Variants in TDRD9 observed in about 807,000 individuals in gnomAD.
TDRD9 encodes the protein ATP-dependent RNA helicase TDRD9.
In TDRD9, 124 loss-of-function variants were observed where a neutral mutation model predicts 172.6. That is an observed-to-expected ratio of 0.72 (90% CI 0.62 to 0.83). The LOEUF (loss-of-function observed/expected upper bound fraction) is 0.83. Among genes scored for constraint, TDRD9 ranks in the 40% least tolerant of loss-of-function variants. TDRD9 has a pLI of 0.00. For missense variants in TDRD9, 1,479 were observed against 1,714.1 expected, an observed-to-expected ratio of 0.86 and a Z score of 2.42; for synonymous variants, 619 against 617.1, an observed-to-expected ratio of 1.00 and a Z score of -0.05.
At position 103,994,351 on chromosome 14, in the gene TDRD9, T is replaced by G. The variant is rs1288828461; in HGVS notation, c.1200T>G (p.Tyr400Ter). The stretch of plus-strand genomic sequence containing the variant: ...CCCTAGGTCTGGGTGAAATAAATTA[T>G]ATGCATGAACTTCTCACAAGCCTGG... The part of the protein sequence containing the change: ...VFLPGLGEIN[Y>*]MHELLTSLVH... The change falls in exon 10 of 36, where the codon TAT becomes TAG. Residue 400 changes from tyrosine (Y) to a stop codon, truncating the protein, a stop_gained. Transcript: ENST00000409874. LOFTEE classifies it high-confidence loss of function. 1.9e-6 allele frequency: 3 copies of G among 1,613,708 alleles called. No homozygotes were observed. In the South Asian group the frequency reaches 3.3e-5, roughly 18 times the overall value.
chr14:104,049,525 G>A (rs866584735), intron 34 of TDRD9, 83 bp from the exon 35 acceptor site: 21 of 1,118,896 alleles, frequency 1.9e-5, no homozygotes, highest in Middle Eastern at 2.9e-4. Flanking sequence ...GAAGCATATA[G>A]GATTTAAATC....
chr14:104,014,013 A>G, intron 20 of TDRD9: 1 of 152,268 alleles, frequency 6.6e-6, no homozygotes, highest in Non-Finnish European at 1.5e-5. Flanking sequence ...GCGGATCATG[A>G]GGTCAGGAGA....
At chr14:104,046,167 G>A (rs1193739694) in intron 34 of TDRD9, among the ~76,000 whole-genome samples, 1 of 152,200 alleles carries the variant, frequency 6.6e-6, no homozygotes, top group Non-Finnish European at 1.5e-5. Context: ...ATGTTGGCCA[G>A]AATGATCTCG....
intron 5 of TDRD9, among the ~76,000 whole-genome samples, chr14:103,968,750 T>C (rs1471804362): frequency 4.7e-4 from 42 of 89,626 alleles, no homozygotes; most frequent in East Asian, 1.1e-3. Context: ...GAGCTGAGAT[T>C]GCGCCACTGC....
chr14:104,045,372 C>T (rs905959313), intron 34 of TDRD9, among the ~76,000 whole-genome samples: 1 of 137,384 alleles, frequency 7.3e-6, no homozygotes, highest in African/African-American at 2.7e-5. Flanking sequence ...TTATATTCCT[C>T]TTAGCCAGTC....
At chr14:104,023,768 C>G (rs1350010395) in intron 24 of TDRD9, among the ~76,000 whole-genome samples, 3 of 152,256 alleles carry the variant, frequency 2.0e-5, no homozygotes, top group African/African-American at 7.2e-5. Flanking sequence ...TCTGTTCCAT[C>G]TGGTTTCACC....
intron 2 of TDRD9, among the ~76,000 whole-genome samples, chr14:103,960,934 C>A (rs1041532949): frequency 6.6e-6 from 1 of 152,284 alleles, no homozygotes; most frequent in African/African-American, 2.4e-5. Flanking sequence ...CAGCCTTTTT[C>A]GTCTTTCTAA....
intron 2 of TDRD9, among the ~76,000 whole-genome samples, chr14:103,956,847 G>C (rs771011950): frequency 2.0e-5 from 3 of 151,990 alleles, no homozygotes; most frequent in Non-Finnish European, 4.4e-5. Flanking sequence ...ACTAGCACCA[G>C]GCCCTATTCA....
chr14:104,040,536 G>A (rs956649985), intron 33 of TDRD9, among the ~76,000 whole-genome samples: 2 of 152,158 alleles, frequency 1.3e-5, no homozygotes, highest in Admixed American at 6.5e-5. Context: ...TATCTTTCCT[G>A]TGAAAAGTAA....
At chr14:103,970,987 G>A (rs117840167) in intron 6 of TDRD9, among the ~76,000 whole-genome samples, 3,235 of 151,952 alleles carry the variant, frequency 0.021, 58 homozygotes, top group East Asian at 0.047. Context: ...AGGGCTGACT[G>A]TATTTTTTTT....
At chr14:104,039,474 C>T (rs573080616) in intron 32 of TDRD9, among the ~76,000 whole-genome samples, 21 of 152,198 alleles carry the variant, frequency 1.4e-4, no homozygotes, top group Non-Finnish European at 1.9e-4. Flanking sequence ...ACTACTGAGA[C>T]GCCTTAGGCA....
chr14:103,942,234 T>C (rs1285537245), intron 1 of TDRD9: 1 of 152,616 alleles, frequency 6.6e-6, no homozygotes, highest in African/African-American at 2.4e-5. Context: ...CCACCGAAAC[T>C]GTATTTGAAA....
rs927254321 is a variant in TDRD9, at chr14:103,963,233, A to G, written c.420+57A>G. ...TGTTTGAATACATGTCTGAGGCCCA[A>G]TACTTTTGGTTTCTAATTTGAAAGT... On this transcript the variant is annotated intron_variant, in intron 3 of 35. Coordinates refer to ENST00000409874, the MANE Select transcript of TDRD9 (RefSeq NM_153046.3). 21 of 1,265,154 alleles carry G rather than the reference A, an allele frequency of 1.7e-5. No homozygotes were observed. The Admixed American group carries it at 4.0e-4, about 24-fold the overall frequency. The allele number at this position is 1,265,154 out of a possible 1,614,324, so 78.4% of individuals were successfully genotyped here.
At chr14:104,014,500 C>T (rs2034723122) in intron 20 of TDRD9, among the ~76,000 whole-genome samples, 1 of 152,102 alleles carries the variant, frequency 6.6e-6, no homozygotes, top group African/African-American at 2.4e-5. Flanking sequence ...GGGCTGGTTT[C>T]AAACTCCTGA....
intron 1 of TDRD9, chr14:103,942,431 A>G (rs1359824550): frequency 6.6e-6 from 1 of 152,252 alleles, no homozygotes; most frequent in Non-Finnish European, 1.5e-5. Context: ...CAGCAGCTAT[A>G]GATGCTGGTC....
At chr14:103,931,324 T>C (rs1443642244) in intron 1 of TDRD9, among the ~76,000 whole-genome samples, 1 of 151,886 alleles carries the variant, frequency 6.6e-6, no homozygotes, top group African/African-American at 2.4e-5. Context: ...ATTCAACATA[T>C]GTAAAATTAC....
At chr14:103,934,273 A>G (rs1190909163) in intron 1 of TDRD9, among the ~76,000 whole-genome samples, 1 of 152,234 alleles carries the variant, frequency 6.6e-6, no homozygotes, top group Non-Finnish European at 1.5e-5. Flanking sequence ...TGGGCCTCCC[A>G]AAATGCTGGG....
chr14:103,933,623 G>A (rs1342302735), intron 1 of TDRD9, among the ~76,000 whole-genome samples: 1 of 152,070 alleles, frequency 6.6e-6, no homozygotes, highest in Non-Finnish European at 1.5e-5. Flanking sequence ...GCCCAGGCTT[G>A]TCTCAAACTC....
intron 5 of TDRD9, 37 bp from the exon 6 acceptor site, chr14:103,970,504 A>G: frequency 6.7e-7 from 1 of 1,483,924 alleles, no homozygotes; most frequent in Non-Finnish European, 9.2e-7. Flanking sequence ...GTGTTGCCTG[A>G]TGCCATGTGG....
Sources: gnomAD v4.1 joint callset for allele counts (sites outside exome capture counted in the v4.1 genomes callset) on GRCh38, gnomAD v4.1.1 for gene constraint, MANE v1.5 for transcripts, NCBI Gene and HGNC (gene_info 2026-07-23, HGNC 2026-07-21) for gene names.